The following ADAM28 variants were observed in gnomAD, a reference collection of about 807,000 sequenced individuals.
ADAM28 encodes ADAM metallopeptidase domain 28.
ADAM28 carries 105 observed loss-of-function variants against 101.2 expected under a neutral mutation model. The observed-to-expected ratio is 1.04, with a 90% confidence interval of 0.89 to 1.22. ADAM28 has a LOEUF of 1.22. Ranked by LOEUF, ADAM28 falls within the 50% of genes most tolerant of loss-of-function variation. The pLI is 0.00. For missense variants in ADAM28, 1,028 were observed against 945.4 expected (o/e 1.09, Z -1.15); for synonymous variants, 322 against 310.6 (o/e 1.04, Z -0.39).
chr8:24,324,062 G>A (rs1812230245), intron 9 of ADAM28, 59 bp downstream of exon 9: 3 of 1,550,784 alleles, frequency 1.9e-6, no homozygotes, highest in Middle Eastern at 3.5e-4. Flanking sequence ...GCTTTTCTGA[G>A]CCTTGGCAAA....
intron 13 of ADAM28, among the ~76,000 whole-genome samples, chr8:24,334,337 A>G (rs932639273): frequency 3.3e-5 from 5 of 152,188 alleles, no homozygotes; most frequent in Non-Finnish European, 7.3e-5. Context: ...CATTTTCTAA[A>G]GTTCAGCACT....
chr8:24,340,473 G>A (rs944812141), intron 15 of ADAM28, among the ~76,000 whole-genome samples: 14 of 152,162 alleles, frequency 9.2e-5, no homozygotes, highest in South Asian at 2.1e-4. Context: ...CCAGAGGAAG[G>A]GCAATTGTAG....
chr8:24,304,514 T>C (rs534047856), intron 2 of ADAM28, among the ~76,000 whole-genome samples: 1 of 152,120 alleles, frequency 6.6e-6, no homozygotes, highest in South Asian at 2.1e-4. Flanking sequence ...TGTATAAATA[T>C]TTGGGGATAA....
Position 24,335,541 on chromosome 8 carries a change from A to C in ADAM28, c.1467A>C (p.Arg489Ser), listed in dbSNP as rs1813912160. The C allele has an allele frequency of 1.2e-6, 2 of 1,614,036 alleles. No homozygotes were observed. Among genetic ancestry groups the C allele is most frequent in the African/African-American group, 1.3e-5 (1 of 74,928 alleles). Residue 489 changes from arginine to serine, a missense_variant, in exon 14 of 23, where the codon AGA becomes AGC. Arg to Ser is a moderately radical substitution (Grantham distance 110, BLOSUM62 -1). Coordinates refer to ENST00000265769, the MANE Select transcript of ADAM28 (RefSeq NM_014265.6). ...NGKSGNCPDD[R>S]FQVNGFPCHH... ...AATCTGGTAATTGTCCTGATGATAGATTCCAAGTCAATGGCTTCCCTTGCC... is the reference window on the plus strand; with the variant it reads ...AATCTGGTAATTGTCCTGATGATAGCTTCCAAGTCAATGGCTTCCCTTGCC...
Position 24,297,289 on chromosome 8 carries a change from C to A in ADAM28, c.47-2685C>A, listed in dbSNP as rs569226999. ...ATATTTTAAGCCCATATTTAAGAGC[C>A]AGTTTGCAATTTCTAATTTCATGAA... On this transcript the variant is annotated intron_variant, in intron 1 of 22. Coordinates refer to ENST00000265769, the MANE Select transcript of ADAM28 (RefSeq NM_014265.6). Among the ~76,000 whole-genome samples the A allele has an allele frequency of 3.1e-4, 47 of 151,928 alleles. 1 individual carries two copies. The highest frequency in any genetic ancestry group is 4.6e-4 in the Admixed American group (7 of 15,256).
intron 9 of ADAM28, among the ~76,000 whole-genome samples, chr8:24,325,880 A>AAAAAAAAAAAAAAAAAAAC: frequency 7.0e-6 from 1 of 142,822 alleles, no homozygotes; most frequent in Non-Finnish European, 1.5e-5. Context: ...GCAAAAAAAA[A>AAAAAAAAAAAAAAAAAAAC]AAAAAAAAAA....
intron 2 of ADAM28, among the ~76,000 whole-genome samples, chr8:24,300,635 T>C (rs1158905599): frequency 1.3e-5 from 2 of 152,060 alleles, no homozygotes; most frequent in Non-Finnish European, 2.9e-5. Context: ...CCAGGATGTT[T>C]TCTATCTCCT....
In ADAM28 at chr8:24,357,569, G is replaced by C. The variant is rs546596704; in HGVS notation, c.*3165G>C. Reference sequence around the variant, plus strand: ...TTGAGAGCTTACTATCTCGACAAAAGCATGGGGGAAACCACCCCCATGATC... The same window carrying C: ...TTGAGAGCTTACTATCTCGACAAAACCATGGGGGAAACCACCCCCATGATC... On this transcript the variant is annotated 3_prime_UTR_variant, in exon 23 of 23. Coordinates refer to ENST00000265769, the MANE Select transcript of ADAM28 (RefSeq NM_014265.6). 1.3e-5 allele frequency: 2 copies of C among 152,076 alleles called. No homozygotes were observed. Among genetic ancestry groups the C allele is most frequent in the Non-Finnish European group, 2.9e-5 (2 of 68,014 alleles). 9.4% of individuals were successfully genotyped at this position (152,076 alleles called of 1,614,324 possible). A position where few individuals can be genotyped will look rare whatever the true frequency, so the allele number is the denominator to read the frequency against.
In ADAM28 at chr8:24,312,636, T is replaced by G. The variant is rs531846451; in HGVS notation, c.384-752T>G. ...CTTCACATCAATTATTATAATTATA[T>G]ATAAGTACTTACTATATAATTATAT... On this transcript the variant is annotated intron_variant, in intron 5 of 22. Coordinates refer to ENST00000265769, the MANE Select transcript of ADAM28 (RefSeq NM_014265.6). Among the ~76,000 whole-genome samples the G allele has an allele frequency of 5.3e-5, 8 of 151,708 alleles. No homozygotes were observed. In the South Asian group the frequency reaches 1.7e-3, roughly 31 times the overall value.
intron 18 of ADAM28, among the ~76,000 whole-genome samples, chr8:24,349,282 T>C (rs1170609499): frequency 6.6e-6 from 1 of 152,170 alleles, no homozygotes; most frequent in Non-Finnish European, 1.5e-5. Flanking sequence ...ATATTCATTA[T>C]TTAAATTTGT....
chr8:24,340,147 T>C (rs1814590606), intron 15 of ADAM28, among the ~76,000 whole-genome samples: 1 of 152,156 alleles, frequency 6.6e-6, no homozygotes, highest in Non-Finnish European at 1.5e-5. Context: ...TTTTCTATGG[T>C]TTAATTCTGC....
intron 11 of ADAM28, 142 bp downstream of exon 11, chr8:24,330,257 A>G (rs1813198413): frequency 2.1e-6 from 2 of 948,008 alleles, no homozygotes; most frequent in South Asian, 2.0e-5. Context: ...CACCTCATCT[A>G]TGGGTAATAT....
Position 24,349,391 on chromosome 8 carries a change from C to G in ADAM28, c.1991-473C>G, listed in dbSNP as rs1478716176. Among the ~76,000 whole-genome samples the G allele has an allele frequency of 2.0e-5, 3 of 152,148 alleles. 1 individual carries two copies. The East Asian group carries it at 5.8e-4, about 29-fold the overall frequency. ...ACTTCCTGTCTAATTCCAGTGTAGACCAACATCAGTGGAACACTCGATTAT... is the reference window on the plus strand; with the variant it reads ...ACTTCCTGTCTAATTCCAGTGTAGAGCAACATCAGTGGAACACTCGATTAT... On this transcript the variant is annotated intron_variant, in intron 18 of 22. Coordinates refer to ENST00000265769, the MANE Select transcript of ADAM28 (RefSeq NM_014265.6).
chr8:24,294,108 T>G lies in ADAM28; in HGVS notation c.-42T>G, dbSNP rs1483102537. On this transcript the variant is annotated 5_prime_UTR_variant, in exon 1 of 23. Transcript: ENST00000265769. ...AGGGACAGACCCAGCAGCACCCACC[T>G]GAGCGAGAAGAGCAGACACCGTGCT... 6.2e-7 allele frequency: 1 copy of G among 1,613,448 alleles called. No homozygotes were observed. The highest frequency in any genetic ancestry group is 8.5e-7 in the Non-Finnish European group (1 of 1,179,408).
chr8:24,339,374 CA>C, intron 14 of ADAM28, 91 bp from the exon 15 acceptor site: 1 of 959,796 alleles, frequency 1.0e-6, no homozygotes, highest in Non-Finnish European at 1.6e-6. Context: ...AATCGCTTTC[CA>C]GCACTGAATC....
At chr8:24,310,113 C>G in intron 3 of ADAM28, 50 bp from the exon 4 acceptor site, 1 of 1,591,148 alleles carries the variant, frequency 6.3e-7, no homozygotes, top group Non-Finnish European at 8.6e-7. Flanking sequence ...TTTCCATGGA[C>G]TTAGCAATCA....
rs555936996 is a variant in ADAM28, at chr8:24,326,979, A to C, written c.972+344A>C. 1.3e-3 allele frequency among the ~76,000 whole-genome samples: 203 copies of C among 152,166 alleles called. 3 individuals carry two copies. Among genetic ancestry groups the C allele is most frequent in the African/African-American group, 4.7e-3 (194 of 41,544 alleles). ...AAGCTAGAAGCATTCCTTTTGAAAG[A>C]CAGCACAAGACAAGGATGCCCTTTC... On this transcript the variant is annotated intron_variant, in intron 10 of 22. Coordinates refer to ENST00000265769, the MANE Select transcript of ADAM28 (RefSeq NM_014265.6).
intron 9 of ADAM28, 141 bp downstream of exon 9, chr8:24,324,144 T>G (rs2129291840): frequency 1.6e-6 from 1 of 643,944 alleles, no homozygotes; most frequent in Non-Finnish European, 2.3e-6. Context: ...TATGCTCTTA[T>G]TTTGGATCCA....
chr8:24,296,081 T>G (rs1166895701), intron 1 of ADAM28: 1 of 152,108 alleles, frequency 6.6e-6, no homozygotes, highest in African/African-American at 2.4e-5. Context: ...AAACAAATAT[T>G]TAAAAGGATG....
Sources: gnomAD v4.1 joint callset for allele counts (sites outside exome capture counted in the v4.1 genomes callset) on GRCh38, gnomAD v4.1.1 for gene constraint, MANE v1.5 for transcripts, NCBI Gene and HGNC (gene_info 2026-07-23, HGNC 2026-07-21) for gene names.